The following SYN3 variants were observed in gnomAD, a reference collection of about 807,000 sequenced individuals.
The protein encoded by SYN3 is synapsin III.
Under a neutral mutation model 65.8 loss-of-function variants are expected in SYN3, and 35 were observed. The observed-to-expected ratio is 0.53, with a 90% CI of 0.41 to 0.70. The LOEUF (loss-of-function observed/expected upper bound fraction) is 0.70, where lower values mean the gene tolerates loss of function less well. SYN3 is among the 30% of genes least tolerant of loss of function. SYN3 has a pLI of 0.00. For synonymous variants in SYN3, 270 were observed against 292.9 expected, an observed-to-expected ratio of 0.92 and a Z score of 0.80; for missense variants, 680 against 749.0, an observed-to-expected ratio of 0.91 and a Z score of 1.08.
intron 7 of SYN3, among the ~76,000 whole-genome samples, chr22:32,585,284 A>G (rs1012313542): frequency 1.3e-5 from 2 of 152,188 alleles, no homozygotes; most frequent in African/African-American, 4.8e-5. Context: ...GCTGAAGGTC[A>G]CAATGCTGGC....
intron 7 of SYN3, among the ~76,000 whole-genome samples, chr22:32,542,021 C>T (rs910726321): frequency 1.4e-4 from 21 of 151,946 alleles, no homozygotes; most frequent in African/African-American, 4.4e-4. Context: ...CAGAGATGCA[C>T]GAGGAACCCA....
chr22:32,547,211 G>C (rs2251400), intron 7 of SYN3, among the ~76,000 whole-genome samples: 116,627 of 152,038 alleles, frequency 0.77, 45,287 homozygotes, highest in East Asian at 0.91. Context: ...TCTTGAACAC[G>C]TAGGTTCAGG....
intron 3 of SYN3, among the ~76,000 whole-genome samples, chr22:32,934,058 T>C (rs961560788): frequency 7.9e-5 from 12 of 152,176 alleles, no homozygotes; most frequent in Admixed American, 7.9e-4. Context: ...TCCAGGTTAG[T>C]AAATAGTGGT....
intron 4 of SYN3, among the ~76,000 whole-genome samples, chr22:32,897,984 T>C (rs1240956130): frequency 6.6e-6 from 1 of 151,970 alleles, no homozygotes; most frequent in East Asian, 1.9e-4. Flanking sequence ...CACACTCAGC[T>C]ATTGTTTTTT....
At chr22:32,524,286 T>C (rs1430329979) in intron 12 of SYN3, among the ~76,000 whole-genome samples, 1 of 152,232 alleles carries the variant, frequency 6.6e-6, no homozygotes, top group Non-Finnish European at 1.5e-5. Context: ...AGGGCTTTCA[T>C]AGCTAAAGAG....
At chr22:32,574,497 C>A (rs978585795) in intron 7 of SYN3, among the ~76,000 whole-genome samples, 5 of 152,178 alleles carry the variant, frequency 3.3e-5, no homozygotes, top group Middle Eastern at 3.2e-3. Flanking sequence ...AAATCACCAT[C>A]GTGTTCGATG....
intron 4 of SYN3, among the ~76,000 whole-genome samples, chr22:32,911,390 T>G (rs2050046932): frequency 1.3e-5 from 2 of 152,322 alleles, no homozygotes; most frequent in African/African-American, 4.8e-5. Flanking sequence ...GAGGACACCG[T>G]ATGCCTTTGC....
intron 3 of SYN3, among the ~76,000 whole-genome samples, chr22:32,938,907 A>G (rs966734503): frequency 3.4e-5 from 5 of 145,784 alleles, no homozygotes; most frequent in Non-Finnish European, 6.0e-5. Context: ...CGGCCTGGAC[A>G]GCAGGGCAAG....
intron 1 of SYN3, 44 bp from the exon 2 acceptor site, chr22:33,006,868 C>A: frequency 2.0e-6 from 1 of 496,068 alleles, no homozygotes; most frequent in Non-Finnish European, 3.6e-6. Context: ...CGACCTCCAC[C>A]CCCTTAAGAG....
intron 6 of SYN3, among the ~76,000 whole-genome samples, chr22:32,710,109 G>GTA (rs781066279): frequency 0.1 from 9,474 of 91,644 alleles, 644 homozygotes; most frequent in African/African-American, 0.24. Context: ...ATGTGTGTGT[G>GTA]TATGTGTGTG....
intron 7 of SYN3, among the ~76,000 whole-genome samples, chr22:32,559,704 G>A (rs1254022025): frequency 6.6e-6 from 1 of 152,058 alleles, no homozygotes; most frequent in Non-Finnish European, 1.5e-5. Flanking sequence ...GGCGGGTGGC[G>A]CCTGTAGTCC....
At chr22:32,626,098 G>T (rs1448093753) in intron 6 of SYN3, among the ~76,000 whole-genome samples, 2 of 152,172 alleles carry the variant, frequency 1.3e-5, no homozygotes, top group African/African-American at 4.8e-5. Flanking sequence ...ATGGTTGGGG[G>T]TAGAGGGAGG....
intron 6 of SYN3, among the ~76,000 whole-genome samples, chr22:32,813,345 C>T (rs978816037): frequency 5.3e-5 from 8 of 152,196 alleles, no homozygotes; most frequent in Admixed American, 2.0e-4. Flanking sequence ...TGTGGTGAAC[C>T]GTACAGTCCA....
At chr22:33,040,568 T>G (rs2145931888) in intron 1 of SYN3, among the ~76,000 whole-genome samples, 1 of 152,308 alleles carries the variant, frequency 6.6e-6, no homozygotes, top group Non-Finnish European at 1.5e-5. Flanking sequence ...CTCCTCGATA[T>G]ATGTCTGATA....
intron 7 of SYN3, among the ~76,000 whole-genome samples, chr22:32,559,218 A>G (rs1442353648): frequency 6.6e-6 from 1 of 152,258 alleles, no homozygotes; most frequent in African/African-American, 2.4e-5. Flanking sequence ...CTGACTCTAA[A>G]GCCCAGACAT....
At chr22:33,000,635 G>C (rs972099249) in intron 2 of SYN3, among the ~76,000 whole-genome samples, 1 of 152,202 alleles carries the variant, frequency 6.6e-6, no homozygotes, top group Non-Finnish European at 1.5e-5. Context: ...GGTAGAAAAG[G>C]GGGCAGCATC....
chr22:32,615,442 A>AAAAAAAG (rs957227886), intron 6 of SYN3, among the ~76,000 whole-genome samples: 1 of 150,368 alleles, frequency 6.7e-6, no homozygotes, highest in African/African-American at 2.5e-5. Context: ...TAAAAAAAAA[A>AAAAAAAG]AAAAAAAAAG....
rs539956673 is a variant in SYN3 at position 32,575,896 on chromosome 22, A to G, written c.774+20778T>C. Among the ~76,000 whole-genome samples, 4 of 152,296 alleles carry G rather than the reference A, an allele frequency of 2.6e-5. No individual in the cohort carries two copies. The South Asian group carries it at 6.2e-4, about 24-fold the overall frequency. On this transcript the variant is annotated intron_variant, in intron 7 of 13. Transcript: ENST00000358763. ...ACAAAAAACAAAACAAAACAAACAA[A>G]AAAAAACAAACCTATTCCGGCTGCG... is the stretch of plus-strand genomic sequence containing the variant.
rs190199566 is a variant in SYN3, at chr22:32,607,233, T to C, written c.712-10497A>G. Among the ~76,000 whole-genome samples, 153 of 152,258 alleles carry C rather than the reference T, an allele frequency of 1.0e-3. 1 individual carries two copies. In the Middle Eastern group the frequency reaches 0.01, roughly 10 times the overall value. ...CTCCAAGAGAAGCGGTGGGGCAGTG[T>C]CTGTGGCTGCTCAACATTGAACCCT... is the stretch of plus-strand genomic sequence containing the variant. On this transcript the variant is annotated intron_variant, in intron 6 of 13. Coordinates refer to ENST00000358763, the MANE Select transcript of SYN3 (RefSeq NM_003490.4).
Sources: gnomAD v4.1 joint callset for allele counts (sites outside exome capture counted in the v4.1 genomes callset) on GRCh38, gnomAD v4.1.1 for gene constraint, MANE v1.5 for transcripts, NCBI Gene and HGNC (gene_info 2026-07-23, HGNC 2026-07-21) for gene names.